Variants in SPOCK3 observed in about 807,000 individuals in gnomAD.
SPOCK3 encodes the protein testican-3.
Under a neutral mutation model 56.6 loss-of-function variants are expected in SPOCK3, and 30 were observed. That is an observed-to-expected ratio of 0.53 (90% CI 0.40 to 0.72). The LOEUF is 0.72. Ranked by LOEUF, SPOCK3 falls within the 30% of genes least tolerant of loss-of-function variation. The pLI is 0.00. For missense variants in SPOCK3, 527 were observed against 530.0 expected, an observed-to-expected ratio of 0.99 and a Z score of 0.06; for synonymous variants, 196 against 183.3, an observed-to-expected ratio of 1.07 and a Z score of -0.56.
intron 2 of SPOCK3, among the ~76,000 whole-genome samples, chr4:167,216,377 A>G (rs1580656039): frequency 7.0e-6 from 1 of 142,706 alleles, no homozygotes; most frequent in South Asian, 2.1e-4. Flanking sequence ...ATGATTTGGG[A>G]AAAAAAATAA....
intron 7 of SPOCK3, among the ~76,000 whole-genome samples, chr4:166,773,424 G>A (rs551302481): frequency 1.5e-5 from 2 of 135,288 alleles, no homozygotes; most frequent in South Asian, 4.8e-4. Context: ...TGTAATAAAA[G>A]TAACTGTTTC....
intron 6 of SPOCK3, among the ~76,000 whole-genome samples, chr4:166,793,090 C>T (rs1741521900): frequency 6.6e-6 from 1 of 151,972 alleles, no homozygotes; most frequent in Non-Finnish European, 1.5e-5. Flanking sequence ...ATTTTGAAAG[C>T]CACTAATTTA....
chr4:166,883,958 C>G (rs1270815496), intron 6 of SPOCK3, among the ~76,000 whole-genome samples: 1 of 152,092 alleles, frequency 6.6e-6, no homozygotes, highest in African/African-American at 2.4e-5. Context: ...CCTAGATCAC[C>G]TAGAAAAGCT....
At chr4:166,780,077 G>T (rs910206309) in intron 7 of SPOCK3, among the ~76,000 whole-genome samples, 3 of 152,066 alleles carry the variant, frequency 2.0e-5, no homozygotes, top group Admixed American at 6.6e-5. Context: ...AAAGAGTATT[G>T]TTCACAAATA....
chr4:166,943,911 C>G (rs1391808497), intron 4 of SPOCK3, among the ~76,000 whole-genome samples: 1 of 152,072 alleles, frequency 6.6e-6, no homozygotes, highest in Non-Finnish European at 1.5e-5. Flanking sequence ...TTTGGGAGGC[C>G]AAGGTGGGCA....
At chr4:166,831,621 A>G (rs1471624375) in intron 6 of SPOCK3, among the ~76,000 whole-genome samples, 1 of 151,952 alleles carries the variant, frequency 6.6e-6, no homozygotes, top group Non-Finnish European at 1.5e-5. Context: ...CCTATTAAAT[A>G]ACATCTATGG....
At chr4:166,934,223 G>T (rs2150002558) in intron 4 of SPOCK3, among the ~76,000 whole-genome samples, 1 of 152,122 alleles carries the variant, frequency 6.6e-6, no homozygotes, top group East Asian at 1.9e-4. Context: ...GGGCGCAGTG[G>T]CTCACACCTG....
chr4:166,863,053 A>G (rs2126916696), intron 6 of SPOCK3, among the ~76,000 whole-genome samples: 1 of 152,254 alleles, frequency 6.6e-6, no homozygotes, highest in South Asian at 2.1e-4. Context: ...TCAGACTAAC[A>G]GTGGATCTCT....
At chr4:166,848,817 CT>C (rs1748372445) in intron 6 of SPOCK3, among the ~76,000 whole-genome samples, 1 of 152,106 alleles carries the variant, frequency 6.6e-6, no homozygotes. Context: ...TGTTTTCCTC[CT>C]TTTTGTTACT....
chr4:166,933,406 C>A (rs1318799307), intron 4 of SPOCK3, among the ~76,000 whole-genome samples: 1 of 152,206 alleles, frequency 6.6e-6, no homozygotes, highest in African/African-American at 2.4e-5. Context: ...TCTGGATGCC[C>A]AGCCATAATC....
chr4:166,738,238 TTG>T (rs112051649), intron 9 of SPOCK3, among the ~76,000 whole-genome samples: 23 of 150,110 alleles, frequency 1.5e-4, no homozygotes, highest in Non-Finnish European at 3.0e-4. Context: ...GTGTGTGTGT[TTG>T]TGTGTGTGTG....
chr4:167,227,751 A>G (rs1168549594), intron 2 of SPOCK3, among the ~76,000 whole-genome samples: 1 of 152,176 alleles, frequency 6.6e-6, no homozygotes, highest in Non-Finnish European at 1.5e-5. Context: ...AAATAAAATT[A>G]TGACCCAGAT....
intron 2 of SPOCK3, among the ~76,000 whole-genome samples, chr4:167,221,197 C>CA (rs1370116523): frequency 1.4e-5 from 2 of 142,172 alleles, no homozygotes; most frequent in Non-Finnish European, 3.0e-5. Flanking sequence ...CCAGTCTCTA[C>CA]AAAAAATTAA....
At chr4:167,045,589 C>A (rs1378697296) in intron 3 of SPOCK3, among the ~76,000 whole-genome samples, 2 of 151,712 alleles carry the variant, frequency 1.3e-5, no homozygotes, top group African/African-American at 2.4e-5. Context: ...TTAAATTATA[C>A]CGTTTTAAGT....
At chr4:166,993,335 C>T (rs1266281744) in intron 4 of SPOCK3, among the ~76,000 whole-genome samples, 2 of 152,096 alleles carry the variant, frequency 1.3e-5, no homozygotes, top group South Asian at 2.1e-4. Flanking sequence ...GAATCCTTCT[C>T]GTGTATTTTG....
chr4:167,154,613 C>T (rs756243386), intron 2 of SPOCK3, among the ~76,000 whole-genome samples: 6 of 152,062 alleles, frequency 3.9e-5, no homozygotes, highest in East Asian at 1.9e-4. Context: ...CATTCATTTC[C>T]GGTACAATCC....
chr4:167,098,323 A>C (rs1759338840), intron 2 of SPOCK3, among the ~76,000 whole-genome samples: 1 of 151,976 alleles, frequency 6.6e-6, no homozygotes, highest in Admixed American at 6.6e-5. Context: ...CTAAGACTGC[A>C]GACTTATAGG....
chr4:167,145,311 G>A (rs1763856188), intron 2 of SPOCK3, among the ~76,000 whole-genome samples: 1 of 152,098 alleles, frequency 6.6e-6, no homozygotes, highest in Non-Finnish European at 1.5e-5. Flanking sequence ...ATATGAACTT[G>A]AAGAAACCTA....
At chr4:167,147,187 T>C (rs1580433490) in intron 2 of SPOCK3, among the ~76,000 whole-genome samples, 1 of 152,152 alleles carries the variant, frequency 6.6e-6, no homozygotes. Context: ...AATACCTCTA[T>C]GCAAATAAAT....
Sources: gnomAD v4.1 joint callset for allele counts (sites outside exome capture counted in the v4.1 genomes callset) on GRCh38, gnomAD v4.1.1 for gene constraint, MANE v1.5 for transcripts, NCBI Gene and HGNC (gene_info 2026-07-23, HGNC 2026-07-21) for gene names.